The following BMP6 variants were observed in gnomAD, a reference collection of about 807,000 sequenced individuals.
BMP6 encodes the protein VG-1-R.
Under a neutral mutation model 54.1 loss-of-function variants are expected in BMP6, and 17 were observed. The ratio of observed to expected loss-of-function variants is 0.31; its 90% CI spans 0.22 to 0.47. The LOEUF is 0.47. Among genes scored for constraint, BMP6 ranks in the 20% least tolerant of loss-of-function variants. BMP6 has a pLI of 1.00. For synonymous variants in BMP6, 328 were observed against 291.2 expected, an observed-to-expected ratio of 1.13 and a Z score of -1.28; for missense variants, 720 against 690.4, an observed-to-expected ratio of 1.04 and a Z score of -0.48.
At chr6:7,764,525 A>AC (rs969292938) in intron 1 of BMP6, among the ~76,000 whole-genome samples, 10 of 151,906 alleles carry the variant, frequency 6.6e-5, no homozygotes, top group African/African-American at 1.2e-4. Context: ...AGAACGTGCT[A>AC]CTGCGATGGA....
intron 5 of BMP6, 117 bp downstream of exon 5, chr6:7,879,267 T>C: frequency 1.8e-6 from 2 of 1,108,264 alleles, no homozygotes; most frequent in Non-Finnish European, 2.7e-6. Context: ...TGCTTCCTTC[T>C]GTGGAAGTCC....
chr6:7,786,216 G>A (rs995413061), intron 1 of BMP6, among the ~76,000 whole-genome samples: 1 of 152,066 alleles, frequency 6.6e-6, no homozygotes, highest in Non-Finnish European at 1.5e-5. Context: ...TGTGCTCAGT[G>A]GCTTCCAGAA....
At chr6:7,748,725 A>G (rs1757381211) in intron 1 of BMP6, among the ~76,000 whole-genome samples, 1 of 152,210 alleles carries the variant, frequency 6.6e-6, no homozygotes, top group African/African-American at 2.4e-5. Context: ...ATCAAGATTC[A>G]TTGCCAGTGT....
intron 1 of BMP6, among the ~76,000 whole-genome samples, chr6:7,813,108 A>AAAAAAAAATATATAT (rs1554122651): frequency 1.9e-4 from 4 of 21,494 alleles, no homozygotes; most frequent in African/African-American, 2.0e-4. Flanking sequence ...AAAAAAAAAA[A>AAAAAAAAATATATAT]ATATATATAT....
At position 7,727,592 on chromosome 6, in the gene BMP6, G is replaced by GACATGGTCC; in HGVS notation, c.645_646insCACATGGTC (p.Val215_Met216insHisMetVal). On this transcript the variant is annotated inframe_insertion, in exon 1 of 7. Transcript: ENST00000283147. ...GGACAGCGCCTTCCTCAACGACGCG[G>GACATGGTCC]ACATGGTCATGAGCTTTGTGAACCT... The GACATGGTCC allele has an allele frequency of 1.3e-6, 2 of 1,577,806 alleles. No homozygotes were observed. The highest frequency in any genetic ancestry group is 2.3e-5 in the South Asian group (2 of 87,740).
At chr6:7,795,994 C>A in intron 1 of BMP6, among the ~76,000 whole-genome samples, 1 of 152,068 alleles carries the variant, frequency 6.6e-6, no homozygotes, top group East Asian at 1.9e-4. Flanking sequence ...CAGTTGGAGT[C>A]AAATCTATCA....
At chr6:7,790,911 T>G (rs114063166) in intron 1 of BMP6, among the ~76,000 whole-genome samples, 2,535 of 152,286 alleles carry the variant, frequency 0.017, 31 homozygotes, top group Non-Finnish European at 0.026. Context: ...TATCTCCCTT[T>G]CCATTTGCAT....
intron 4 of BMP6, among the ~76,000 whole-genome samples, chr6:7,864,823 C>T (rs1385340693): frequency 6.6e-6 from 1 of 152,152 alleles, no homozygotes; most frequent in East Asian, 1.9e-4. Flanking sequence ...AGAAGAAATG[C>T]TTGCTTTCCT....
intron 1 of BMP6, among the ~76,000 whole-genome samples, chr6:7,772,344 T>C (rs1386967487): frequency 6.6e-6 from 1 of 152,224 alleles, no homozygotes. Flanking sequence ...TTGGGATCTT[T>C]TCGTTGGTGA....
intron 1 of BMP6, among the ~76,000 whole-genome samples, chr6:7,800,079 G>GTGT (rs1758246939): frequency 1.4e-5 from 2 of 145,066 alleles, no homozygotes; most frequent in Admixed American, 6.9e-5. Context: ...TAAAGGAAGG[G>GTGT]GTGTGTGTGT....
intron 2 of BMP6, among the ~76,000 whole-genome samples, chr6:7,851,905 G>A (rs1759148013): frequency 6.6e-6 from 1 of 151,948 alleles, no homozygotes; most frequent in African/African-American, 2.4e-5. Flanking sequence ...TCATATCCCT[G>A]GAACAAGTTC....
At chr6:7,831,153 A>G (rs1462732054) in intron 1 of BMP6, among the ~76,000 whole-genome samples, 1 of 152,254 alleles carries the variant, frequency 6.6e-6, no homozygotes, top group Non-Finnish European at 1.5e-5. Flanking sequence ...CACACGCTAC[A>G]ACATGGATGC....
intron 4 of BMP6, 132 bp downstream of exon 4, chr6:7,862,630 T>A: frequency 8.6e-7 from 1 of 1,157,646 alleles, no homozygotes; most frequent in East Asian, 2.6e-5. Context: ...GTCATATGCA[T>A]GATGGTACCT....
intron 1 of BMP6, among the ~76,000 whole-genome samples, chr6:7,781,030 T>C (rs189801752): frequency 0.012 from 1,873 of 152,310 alleles, 40 homozygotes; most frequent in African/African-American, 0.042. Flanking sequence ...TTTTTCAATC[T>C]GTACCTCTTA....
At chr6:7,779,298 C>A (rs982305694) in intron 1 of BMP6, among the ~76,000 whole-genome samples, 1 of 152,078 alleles carries the variant, frequency 6.6e-6, no homozygotes, top group Non-Finnish European at 1.5e-5. Flanking sequence ...TGGATTTAAG[C>A]TCTAGTAAGA....
At chr6:7,852,876 T>G (rs1356828560) in intron 2 of BMP6, among the ~76,000 whole-genome samples, 1 of 152,230 alleles carries the variant, frequency 6.6e-6, no homozygotes, top group Non-Finnish European at 1.5e-5. Context: ...GGAAAGGGAC[T>G]ACACAGAAGT....
chr6:7,794,167 C>G (rs1189478966), intron 1 of BMP6, among the ~76,000 whole-genome samples: 2 of 152,100 alleles, frequency 1.3e-5, no homozygotes, highest in Non-Finnish European at 2.9e-5. Flanking sequence ...GAGGGAGGTA[C>G]ACCTGGCTCA....
intron 2 of BMP6, among the ~76,000 whole-genome samples, chr6:7,858,281 C>T (rs1177374775): frequency 1.3e-5 from 2 of 151,954 alleles, no homozygotes; most frequent in Non-Finnish European, 2.9e-5. Context: ...GGTAGGGTTT[C>T]GCCATGTTTC....
intron 1 of BMP6, among the ~76,000 whole-genome samples, chr6:7,820,465 T>C (rs1758589216): frequency 6.6e-6 from 1 of 152,246 alleles, no homozygotes; most frequent in Non-Finnish European, 1.5e-5. Context: ...GCATTGGCTC[T>C]TTTTGCTTCA....
Sources: gnomAD v4.1 joint callset for allele counts (sites outside exome capture counted in the v4.1 genomes callset) on GRCh38, gnomAD v4.1.1 for gene constraint, MANE v1.5 for transcripts, NCBI Gene and HGNC (gene_info 2026-07-23, HGNC 2026-07-21) for gene names.